The following L3MBTL4 variants were observed in gnomAD, a reference collection of about 807,000 sequenced individuals.
L3MBTL4 encodes lethal(3)malignant brain tumor-like protein 4.
Under a neutral mutation model 84.5 loss-of-function variants are expected in L3MBTL4, and 70 were observed. That is an observed-to-expected ratio of 0.83 (90% CI 0.68 to 1.01). L3MBTL4 has a LOEUF of 1.01. Among genes scored for constraint, L3MBTL4 ranks in the 50% least tolerant of loss-of-function variants. L3MBTL4 has a pLI of 0.00. For synonymous variants in L3MBTL4, 274 were observed against 259.8 expected (o/e 1.05, Z -0.52); for missense variants, 715 against 754.8 (o/e 0.95, Z 0.62).
chr18:6,063,798 CTG>C (rs1264243912), intron 16 of L3MBTL4, among the ~76,000 whole-genome samples: 1 of 152,028 alleles, frequency 6.6e-6, no homozygotes, highest in Non-Finnish European at 1.5e-5. Flanking sequence ...TTCTCCCACT[CTG>C]TAGGTTGTCT....
chr18:6,076,367 G>A (rs1378387693), intron 16 of L3MBTL4, among the ~76,000 whole-genome samples: 2 of 152,298 alleles, frequency 1.3e-5, no homozygotes, highest in Non-Finnish European at 2.9e-5. Flanking sequence ...CATAACATCT[G>A]ATTCCATTTA....
At chr18:6,175,389 A>G (rs2044183378) in intron 12 of L3MBTL4, among the ~76,000 whole-genome samples, 1 of 152,228 alleles carries the variant, frequency 6.6e-6, no homozygotes. Context: ...ATAAACAAAA[A>G]AAAAGAATAC....
At chr18:6,133,732 A>T (rs1212871826) in intron 14 of L3MBTL4, among the ~76,000 whole-genome samples, 2 of 152,176 alleles carry the variant, frequency 1.3e-5, no homozygotes, top group Non-Finnish European at 2.9e-5. Flanking sequence ...AATTGGTCAC[A>T]GCTGGGAGGT....
rs530185454 is a variant in L3MBTL4, at chr18:6,136,923, A to T, written c.1199+1271T>A. ...CCTAGAATTATGCCAATGTATAAAA[A>T]CCCCAAGGCAAGGCCTAAATGGCTC... On this transcript the variant is annotated intron_variant, in intron 14 of 18. Coordinates refer to ENST00000317931, the MANE Select transcript of L3MBTL4 (RefSeq NM_001330559.2). Among the ~76,000 whole-genome samples the T allele has an allele frequency of 2.0e-5, 3 of 152,208 alleles. No homozygotes were observed. The South Asian group carries it at 6.2e-4, about 32-fold the overall frequency.
At chr18:6,047,614 T>C (rs2056679400) in intron 16 of L3MBTL4, among the ~76,000 whole-genome samples, 2 of 152,292 alleles carry the variant, frequency 1.3e-5, no homozygotes, top group South Asian at 2.1e-4. Flanking sequence ...AATCAATAAA[T>C]GTGATTCACA....
chr18:6,391,739 A>AAACAAC (rs924179317), intron 1 of L3MBTL4, among the ~76,000 whole-genome samples: 4 of 118,874 alleles, frequency 3.4e-5, no homozygotes, highest in African/African-American at 1.2e-4. Context: ...CAACATCTGC[A>AAACAAC]AACAACAACA....
chr18:6,295,346 C>CTCTCTCTCTCTATA (rs1261475809), intron 4 of L3MBTL4, among the ~76,000 whole-genome samples: 5 of 81,382 alleles, frequency 6.1e-5, no homozygotes, highest in African/African-American at 2.7e-4. Flanking sequence ...CTCTCTCTCT[C>CTCTCTCTCTCTATA]TATATATATA....
At position 6,080,961 on chromosome 18, in the gene L3MBTL4, G is replaced by A. The variant is rs767032721; in HGVS notation, c.1374-10C>T. The A allele has an allele frequency of 1.3e-6, 2 of 1,588,050 alleles. No homozygotes were observed. The highest frequency in any genetic ancestry group is 1.7e-6 in the Non-Finnish European group (2 of 1,163,836). ...TGCCTGCTGTACAAGTCTGGGCAAA[G>A]AACAGAAATAAAATCTAGATTCATT... On this transcript the variant is annotated splice_polypyrimidine_tract_variant and intron_variant, in intron 15 of 18. Transcript: ENST00000317931.
At position 6,412,921 on chromosome 18, in the gene L3MBTL4, CA is replaced by C. The variant is rs553786468; in HGVS notation, c.-91+1879del. ...AAAGTTAAATGAGTTTCCGTCTCTACAAAAAAAAAAAAATTAGAAAATTAGC... is the reference window on the plus strand; with the variant it reads ...AAAGTTAAATGAGTTTCCGTCTCTACAAAAAAAAAAAATTAGAAAATTAGC... On this transcript the variant is annotated intron_variant, in intron 1 of 18. Coordinates refer to ENST00000317931, the MANE Select transcript of L3MBTL4 (RefSeq NM_001330559.2). Among the ~76,000 whole-genome samples, 502 of 135,558 alleles carry C rather than the reference CA, an allele frequency of 3.7e-3. 1 individual carries two copies. Among genetic ancestry groups the C allele is most frequent in the African/African-American group, 8.1e-3 (301 of 37,348 alleles). The allele number at this position is 135,558 out of a possible 152,430, so 88.9% of individuals were successfully genotyped here.
chr18:6,213,319 C>G, intron 11 of L3MBTL4, 60 bp from the exon 12 acceptor site: 1 of 868,972 alleles, frequency 1.2e-6, no homozygotes, highest in African/African-American at 1.7e-5. Flanking sequence ...AGATATCCTA[C>G]TAATTTTTTC....
chr18:6,290,155 A>G (rs1455932450), intron 4 of L3MBTL4, among the ~76,000 whole-genome samples: 1 of 152,112 alleles, frequency 6.6e-6, no homozygotes, highest in African/African-American at 2.4e-5. Flanking sequence ...GGCTCAAACG[A>G]TCCTACCACC....
chr18:6,405,981 T>C (rs2055718655), intron 1 of L3MBTL4, among the ~76,000 whole-genome samples: 1 of 150,788 alleles, frequency 6.6e-6, no homozygotes, highest in Non-Finnish European at 1.5e-5. Flanking sequence ...TAAGTAAGCA[T>C]TCAGGGAATG....
chr18:6,350,946 C>T (rs1263708929), intron 1 of L3MBTL4, among the ~76,000 whole-genome samples: 2 of 152,198 alleles, frequency 1.3e-5, no homozygotes, highest in Non-Finnish European at 2.9e-5. Context: ...AATCCCAGCA[C>T]TTTGGGAGGC....
chr18:6,117,093 C>G (rs1015973567), intron 14 of L3MBTL4, among the ~76,000 whole-genome samples: 1 of 152,170 alleles, frequency 6.6e-6, no homozygotes, highest in African/African-American at 2.4e-5. Context: ...GCAGCTTATT[C>G]CTTTGCATGG....
chr18:6,031,983 T>TC (rs1292697782), intron 16 of L3MBTL4: 1 of 419,420 alleles, frequency 2.4e-6, no homozygotes, highest in Non-Finnish European at 3.1e-6. Context: ...TTTCTTTCTT[T>TC]CTTTTTTTTT....
At chr18:6,204,073 G>A (rs2045765727) in intron 12 of L3MBTL4, among the ~76,000 whole-genome samples, 1 of 152,092 alleles carries the variant, frequency 6.6e-6, no homozygotes, top group African/African-American at 2.4e-5. Flanking sequence ...CTTTGGTTCA[G>A]CTTTGATCCA....
chr18:6,128,876 A>T (rs987862348), intron 14 of L3MBTL4, among the ~76,000 whole-genome samples: 1 of 152,146 alleles, frequency 6.6e-6, no homozygotes, highest in Non-Finnish European at 1.5e-5. Flanking sequence ...GGAAGGGCAG[A>T]GGGCTATCTT....
chr18:6,158,577 C>T (rs1400178053), intron 13 of L3MBTL4, among the ~76,000 whole-genome samples: 1 of 152,144 alleles, frequency 6.6e-6, no homozygotes, highest in African/African-American at 2.4e-5. Flanking sequence ...TCATTTACTC[C>T]CCCTCTGTTT....
chr18:6,320,473 A>C (rs2051346832), intron 1 of L3MBTL4, among the ~76,000 whole-genome samples: 1 of 152,126 alleles, frequency 6.6e-6, no homozygotes, highest in African/African-American at 2.4e-5. Context: ...ACTGCTATAC[A>C]CAAACAATGA....
Sources: gnomAD v4.1 joint callset for allele counts (sites outside exome capture counted in the v4.1 genomes callset) on GRCh38, gnomAD v4.1.1 for gene constraint, MANE v1.5 for transcripts, NCBI Gene and HGNC (gene_info 2026-07-23, HGNC 2026-07-21) for gene names.